ALG5: variants seen among roughly 807,000 people sequenced by gnomAD.
ALG5 encodes dolichyl-phosphate beta-glucosyltransferase.
A neutral mutation model predicts 51.8 loss-of-function variants in ALG5; 26 were observed. That is an observed-to-expected ratio of 0.50 (90% confidence interval 0.37 to 0.70). The LOEUF is 0.70. Ranked by LOEUF, ALG5 falls within the 30% of genes least tolerant of loss-of-function variation. ALG5 has a pLI of 0.00. For synonymous variants in ALG5, 141 were observed against 136.1 expected, an observed-to-expected ratio of 1.04 and a Z score of -0.25; for missense variants, 311 against 399.3, an observed-to-expected ratio of 0.78 and a Z score of 1.88.
rs2058995849 is a variant in ALG5 at position 36,985,022 on chromosome 13, ATGTTG to A, written c.561+600_561+604del. Among the ~76,000 whole-genome samples the A allele has an allele frequency of 1.3e-5, 2 of 151,850 alleles. 1 individual carries two copies. Among genetic ancestry groups the A allele is most frequent in the Middle Eastern group, 6.8e-3 (2 of 292 alleles). ...TGTGTGATGGTAGGTATATTGTTTGATGTTGTCCAAGGGTGCTTTTTCATTCTCTT... is the reference window on the plus strand; with the variant it reads ...TGTGTGATGGTAGGTATATTGTTTGATCCAAGGGTGCTTTTTCATTCTCTT... On this transcript the variant is annotated intron_variant, in intron 6 of 9. Transcript: ENST00000239891.
At chr13:36,994,055 A>G (rs540051615) in intron 3 of ALG5, among the ~76,000 whole-genome samples, 2 of 152,322 alleles carry the variant, frequency 1.3e-5, no homozygotes, top group African/African-American at 4.8e-5. Flanking sequence ...AGCATTTCTT[A>G]GCCTAATGAC....
At chr13:36,980,269 C>CT (rs1337474567) in intron 6 of ALG5, among the ~76,000 whole-genome samples, 1 of 152,110 alleles carries the variant, frequency 6.6e-6, no homozygotes, top group Non-Finnish European at 1.5e-5. Flanking sequence ...GAGTCTCTCT[C>CT]TGTTGACCAA....
intron 9 of ALG5, 76 bp downstream of exon 9, chr13:36,952,438 C>T (rs970807551): frequency 7.0e-5 from 73 of 1,040,520 alleles, no homozygotes; most frequent in Admixed American, 1.2e-4. Context: ...GCAAGGAGAA[C>T]ATTAAAGCCA....
intron 7 of ALG5, among the ~76,000 whole-genome samples, chr13:36,971,057 A>C (rs2058920561): frequency 6.6e-6 from 1 of 152,172 alleles, no homozygotes; most frequent in African/African-American, 2.4e-5. Context: ...ATTGGGGGAA[A>C]GGTTCAACCT....
intron 4 of ALG5, among the ~76,000 whole-genome samples, chr13:36,990,768 A>G (rs993529624): frequency 2.0e-5 from 3 of 151,952 alleles, no homozygotes; most frequent in Non-Finnish European, 4.4e-5. Flanking sequence ...CAAATTGAAA[A>G]CCTGAGAATC....
chr13:36,969,003 A>G (rs1399085824), intron 7 of ALG5, among the ~76,000 whole-genome samples: 2 of 152,236 alleles, frequency 1.3e-5, no homozygotes, highest in Non-Finnish European at 2.9e-5. Context: ...ATGGCAGCCA[A>G]TTCTGTGGGA....
Position 36,965,718 on chromosome 13 carries a change from G to A in ALG5, c.630C>T (p.Tyr210=). The A allele has an allele frequency of 1.2e-6, 2 of 1,608,992 alleles. No individual in the cohort carries two copies. The highest frequency in any genetic ancestry group is 1.3e-5 in the African/African-American group (1 of 74,532). The change falls in exon 8 of 10, where the codon TAC becomes TAT. Residue 210 remains tyrosine (Y), a synonymous_variant. Coordinates refer to ENST00000239891, the MANE Select transcript of ALG5 (RefSeq NM_013338.5). ...ACCCATACATGAGAAGAGTACGGAA[G>A]TAAGAACGCTGAAAACAAAGACAAA... ...LEKESIAQRS[Y]FRTLLMYGFH...
At chr13:36,999,154 G>A in intron 1 of ALG5, 81 bp downstream of exon 1, 1 of 1,310,280 alleles carries the variant, frequency 7.6e-7, no homozygotes, top group East Asian at 2.9e-5. Flanking sequence ...TGGTAGCGCG[G>A]AGGAGGGGAC....
At chr13:36,972,914 C>G (rs1483780758) in intron 6 of ALG5, among the ~76,000 whole-genome samples, 1 of 150,686 alleles carries the variant, frequency 6.6e-6, no homozygotes, top group Non-Finnish European at 1.5e-5. Flanking sequence ...ATGGCGTGAA[C>G]CCAGGAGGCA....
intron 6 of ALG5, among the ~76,000 whole-genome samples, chr13:36,977,875 C>A (rs1475913363): frequency 4.7e-5 from 6 of 126,544 alleles, no homozygotes; most frequent in African/African-American, 1.5e-4. Flanking sequence ...CTAAATCAAT[C>A]AAAATCTTTC....
chr13:36,977,863 TGCTAAATCAATCAAA>T (rs1244339607), intron 6 of ALG5, among the ~76,000 whole-genome samples: 3 of 124,462 alleles, frequency 2.4e-5, no homozygotes, highest in African/African-American at 9.4e-5. Context: ...TAGCAAGAAA[TGCTAAATCAATCAAA>T]ATCTTTCTCA....
intron 6 of ALG5, among the ~76,000 whole-genome samples, chr13:36,975,000 C>T (rs911219086): frequency 3.9e-5 from 6 of 152,190 alleles, no homozygotes; most frequent in African/African-American, 1.4e-4. Context: ...ATCACAAGAT[C>T]AAGATATCCA....
intron 2 of ALG5, 23 bp downstream of exon 2, chr13:36,995,401 CA>C (rs751154443): frequency 6.3e-7 from 1 of 1,582,192 alleles, no homozygotes; most frequent in Admixed American, 2.0e-5. Context: ...TACCCTTTAC[CA>C]AAAAAATCAA....
Position 36,984,041 on chromosome 13 carries a change from CAT to C in ALG5, c.561+1584_561+1585del, listed in dbSNP as rs893335579. ...AGTTCTAAACTAGGTCTATTTCATTCATAGATAGTTTTACATATTCATCTTAT... is the reference window on the plus strand; with the variant it reads ...AGTTCTAAACTAGGTCTATTTCATTCAGATAGTTTTACATATTCATCTTAT... On this transcript the variant is annotated intron_variant, in intron 6 of 9. Transcript: ENST00000239891. Among the ~76,000 whole-genome samples, 14 of 151,126 alleles carry C rather than the reference CAT, an allele frequency of 9.3e-5. 1 individual carries two copies. The highest frequency in any genetic ancestry group is 3.4e-4 in the African/African-American group (14 of 41,178).
intron 1 of ALG5, among the ~76,000 whole-genome samples, 166 bp from the exon 2 acceptor site, chr13:36,995,762 T>G (rs984177796): frequency 2.6e-5 from 4 of 152,208 alleles, no homozygotes; most frequent in African/African-American, 9.6e-5. Context: ...TAGACAATAG[T>G]GAGTCCCCTA....
chr13:36,957,674 C>G (rs140435066), intron 8 of ALG5, among the ~76,000 whole-genome samples: 4 of 152,160 alleles, frequency 2.6e-5, no homozygotes, highest in Admixed American at 2.6e-4. Flanking sequence ...CCCCAAAAAG[C>G]GGGACTTAGC....
chr13:36,996,278 G>A (rs2059049762), intron 1 of ALG5, among the ~76,000 whole-genome samples: 1 of 151,974 alleles, frequency 6.6e-6, no homozygotes, highest in Non-Finnish European at 1.5e-5. Flanking sequence ...TGTTTCTATT[G>A]GTACACTTTC....
chr13:36,983,849 T>C (rs1444738189), intron 6 of ALG5, among the ~76,000 whole-genome samples: 1 of 152,036 alleles, frequency 6.6e-6, no homozygotes, highest in Non-Finnish European at 1.5e-5. Context: ...GGGAGAAATA[T>C]ACTTCACAAA....
intron 6 of ALG5, among the ~76,000 whole-genome samples, chr13:36,984,227 T>C (rs2058992226): frequency 6.6e-6 from 1 of 151,900 alleles, no homozygotes; most frequent in Non-Finnish European, 1.5e-5. Flanking sequence ...GCCTCCTAAG[T>C]AGCTGGGACT....
Sources: allele counts gnomAD v4.1 joint callset (sites outside exome capture counted in the v4.1 genomes callset), GRCh38; gene constraint gnomAD v4.1.1; transcripts MANE v1.5; gene names NCBI Gene and HGNC (gene_info 2026-07-23, HGNC 2026-07-21).